WWP1: variants seen among roughly 807,000 people sequenced by gnomAD.
WWP1 encodes NEDD4-like E3 ubiquitin-protein ligase WWP1.
In WWP1, 49 loss-of-function variants were observed where a neutral mutation model predicts 130.6. The ratio of observed to expected loss-of-function variants is 0.38; its 90% CI spans 0.30 to 0.48. WWP1 has a LOEUF of 0.48. Ranked by LOEUF, WWP1 falls within the 20% of genes least tolerant of loss-of-function variation. The pLI is 0.99. For missense variants in WWP1, 809 were observed against 1,100.6 expected (o/e 0.74, Z 3.75); for synonymous variants, 332 against 367.8 (o/e 0.90, Z 1.11).
At position 86,461,321 on chromosome 8, in the gene WWP1, G is replaced by T; in HGVS notation, c.2596+1G>T. ...CTAGGAGGATTTGCTGAGCTCATGG[G>T]TAAATGTAATTTCACTGTAATTTCT... On this transcript the variant is annotated splice_donor_variant, in intron 23 of 24. Coordinates refer to ENST00000517970, the MANE Select transcript of WWP1 (RefSeq NM_007013.4). LOFTEE classifies it high-confidence loss of function. 6.2e-7 allele frequency: 1 copy of T among 1,612,618 alleles called. No homozygotes were observed. The highest frequency in any genetic ancestry group is 8.5e-7 in the Non-Finnish European group (1 of 1,178,700).
At chr8:86,429,498 A>G (rs1809818848) in intron 11 of WWP1, among the ~76,000 whole-genome samples, 1 of 152,222 alleles carries the variant, frequency 6.6e-6, no homozygotes, top group South Asian at 2.1e-4. Flanking sequence ...TGTCATTATT[A>G]TAGAATTCTT....
Position 86,402,199 on chromosome 8 carries a change from C to T in WWP1, c.720C>T (p.Asp240=). 1 of 1,612,966 alleles carries T rather than the reference C, an allele frequency of 6.2e-7. No homozygotes were observed. The highest frequency in any genetic ancestry group is 8.5e-7 in the Non-Finnish European group (1 of 1,179,528). The change falls in exon 8 of 25, where the codon GAC becomes GAT. Residue 240 remains aspartate (D), a synonymous_variant. Transcript: ENST00000517970. The part of the protein sequence containing the change: ...PKPLASEPAD[D]TVNGESSSFA... ...CACTCGCATCTGAGCCTGCCGATGA[C>T]ACTGGTAAGCAAGGCTATTTATGAC...
At chr8:86,424,858 G>A (rs1274305815) in intron 9 of WWP1, among the ~76,000 whole-genome samples, 2 of 121,990 alleles carry the variant, frequency 1.6e-5, no homozygotes. Flanking sequence ...GGGAGGGGGA[G>A]GGGGAGGGGA....
chr8:86,382,978 A>C (rs569437392), intron 5 of WWP1, among the ~76,000 whole-genome samples: 2 of 152,354 alleles, frequency 1.3e-5, no homozygotes, highest in South Asian at 2.1e-4. Context: ...TCTTTCTGCA[A>C]ATCCACATGT....
At chr8:86,391,586 C>A (rs1300092570) in intron 5 of WWP1, among the ~76,000 whole-genome samples, 6 of 151,414 alleles carry the variant, frequency 4.0e-5, no homozygotes, top group Admixed American at 3.9e-4. Flanking sequence ...ATACTTTAAT[C>A]AATAATATGT....
At chr8:86,401,290 A>G (rs1391707451) in intron 7 of WWP1, among the ~76,000 whole-genome samples, 1 of 152,084 alleles carries the variant, frequency 6.6e-6, no homozygotes, top group Non-Finnish European at 1.5e-5. Context: ...GCCAGGTACA[A>G]TGGCTCACAC....
In WWP1 at chr8:86,466,953, C is replaced by T; in HGVS notation, c.*60C>T. 2 of 1,274,314 alleles carry T rather than the reference C, an allele frequency of 1.6e-6. No homozygotes were observed. The highest frequency in any genetic ancestry group is 2.3e-6 in the Non-Finnish European group (2 of 885,074). 78.9% of individuals were successfully genotyped at this position (1,274,314 alleles called of 1,614,324 possible). ...TAAATACCCCAGCCAAGAAAAATTG[C>T]ACAGATAGTGTATATAAGCTGTTCA... On this transcript the variant is annotated 3_prime_UTR_variant, in exon 25 of 25. Transcript: ENST00000517970.
At chr8:86,444,677 T>C (rs1408344929) in intron 18 of WWP1, among the ~76,000 whole-genome samples, 2 of 152,128 alleles carry the variant, frequency 1.3e-5, no homozygotes, top group Admixed American at 6.5e-5. Context: ...GATTTGACCA[T>C]TGTATCTGCA....
intron 5 of WWP1, 30 bp from the exon 6 acceptor site, chr8:86,398,312 G>C: frequency 6.4e-7 from 1 of 1,554,786 alleles, no homozygotes; most frequent in East Asian, 2.3e-5. Context: ...TGTGGCAAAA[G>C]CTTTTAAATT....
intron 16 of WWP1, among the ~76,000 whole-genome samples, chr8:86,437,651 G>T (rs1277071520): frequency 1.3e-5 from 2 of 152,156 alleles, no homozygotes; most frequent in Non-Finnish European, 2.9e-5. Context: ...CTGACCCCTT[G>T]CACAGTTGAA....
chr8:86,394,933 TAAAAAAAAAAA>T (rs10694206), intron 5 of WWP1, among the ~76,000 whole-genome samples: 1 of 76,412 alleles, frequency 1.3e-5, no homozygotes, highest in African/African-American at 5.1e-5. Context: ...CTGTTCTTCT[TAAAAAAAAAAA>T]AAAAAAAAAA....
chr8:86,433,227 CTCTT>C (rs1331217910), intron 14 of WWP1, among the ~76,000 whole-genome samples: 1 of 121,904 alleles, frequency 8.2e-6, no homozygotes, highest in Non-Finnish European at 1.7e-5. Flanking sequence ...TTTCCTAAGC[CTCTT>C]TTTTTTTTTT....
chr8:86,405,644 G>C (rs1808238503), intron 8 of WWP1, among the ~76,000 whole-genome samples: 1 of 152,000 alleles, frequency 6.6e-6, no homozygotes, highest in East Asian at 1.9e-4. Flanking sequence ...CGATCCTCCT[G>C]CCTTAGCCCC....
intron 20 of WWP1, 86 bp from the exon 21 acceptor site, chr8:86,452,467 AAAAGAG>A (rs1811225123): frequency 1.8e-6 from 2 of 1,135,028 alleles, no homozygotes; most frequent in African/African-American, 3.2e-5. Flanking sequence ...CATATTTAGA[AAAAGAG>A]AAAGAACTAT....
At position 86,411,817 on chromosome 8, in the gene WWP1, G is replaced by A. The variant is rs754011648; in HGVS notation, c.1004G>A (p.Cys335Tyr). 1.2e-6 allele frequency: 2 copies of A among 1,614,066 alleles called. No individual in the cohort carries two copies. The highest frequency in any genetic ancestry group is 1.7e-6 in the Non-Finnish European group (2 of 1,180,028). Residue 335 changes from cysteine (C) to tyrosine (Y), a missense_variant, in exon 9 of 25, where the codon TGT becomes TAT. Cys to Tyr is a radical substitution (Grantham distance 194). This residue lies in a region of WWP1 where 97 missense variants were observed against 80.4 expected (regional missense o/e 1.21). Transcript: ENST00000517970. Reference sequence around the variant, plus strand: ...GCCAAATCAAGACAGCCAGATGGGTGTATGGATCCTGTACGGCAGCAGTCT... The same window carrying A: ...GCCAAATCAAGACAGCCAGATGGGTATATGGATCCTGTACGGCAGCAGTCT... ...EAAKSRQPDG[C>Y]MDPVRQQSGN...
chr8:86,452,607 AG>A lies in WWP1; in HGVS notation c.2323del (p.Ala775LeufsTer23). ...CTCGAGGAGTACAAGAACAGACCAA[AG>A]CTTTCCTTGATGGTTTTAATGAAGT... Reference protein sequence around the residue: ...FSRGVQEQTKAFLDGFNEVVP... With the variant: ...FSRGVQEQTKXFLDGFNEVVP... On this transcript the variant is annotated frameshift_variant, in exon 21 of 25. Coordinates refer to ENST00000517970, the MANE Select transcript of WWP1 (RefSeq NM_007013.4). LOFTEE classifies it high-confidence loss of function. 1 of 1,613,202 alleles carries A rather than the reference AG, an allele frequency of 6.2e-7. No homozygotes were observed. The highest frequency in any genetic ancestry group is 8.5e-7 in the Non-Finnish European group (1 of 1,179,516).
At chr8:86,454,727 A>C (rs527568204) in intron 21 of WWP1, among the ~76,000 whole-genome samples, 1 of 152,178 alleles carries the variant, frequency 6.6e-6, no homozygotes, top group South Asian at 2.1e-4. Flanking sequence ...GAGATCAAGA[A>C]GCATAAGAAT....
intron 17 of WWP1, chr8:86,440,758 C>A: frequency 2.4e-6 from 1 of 423,418 alleles, no homozygotes; most frequent in Non-Finnish European, 4.6e-6. Context: ...CTTTGTCAGT[C>A]TTACATGTCT....
At chr8:86,432,977 T>C (rs1016948233) in intron 14 of WWP1, among the ~76,000 whole-genome samples, 6 of 152,208 alleles carry the variant, frequency 3.9e-5, no homozygotes, top group African/African-American at 1.4e-4. Flanking sequence ...TTGCTGTTCA[T>C]AGTTTCTCCT....
Sources: allele counts gnomAD v4.1 joint callset (sites outside exome capture counted in the v4.1 genomes callset), GRCh38; gene constraint gnomAD v4.1.1; regional missense constraint gnomAD v4.1.1; transcripts MANE v1.5; gene names NCBI Gene and HGNC (gene_info 2026-07-23, HGNC 2026-07-21).